MYOM1: variants seen among roughly 807,000 people sequenced by gnomAD.
MYOM1 encodes the protein myomesin 1.
MYOM1 carries 164 observed loss-of-function variants against 205.3 expected under a neutral mutation model. The observed-to-expected ratio is 0.80, with a 90% CI of 0.70 to 0.91. The LOEUF (loss-of-function observed/expected upper bound fraction) is 0.91, where lower values mean the gene tolerates loss of function less well. MYOM1 is among the 40% of genes least tolerant of loss of function. The pLI is 0.00. For synonymous variants in MYOM1, 772 were observed against 789.4 expected, an observed-to-expected ratio of 0.98 and a Z score of 0.37; for missense variants, 2,011 against 2,127.3, an observed-to-expected ratio of 0.95 and a Z score of 1.08.
chr18:3,092,810 C>T (rs2079244138), intron 26 of MYOM1, among the ~76,000 whole-genome samples: 1 of 152,204 alleles, frequency 6.6e-6, no homozygotes, highest in South Asian at 2.1e-4. Context: ...CAATAAATCA[C>T]TTGAACGAGA....
intron 13 of MYOM1, among the ~76,000 whole-genome samples, chr18:3,143,078 C>T (rs576665779): frequency 1.4e-4 from 21 of 152,170 alleles, no homozygotes; most frequent in Admixed American, 3.9e-4. Context: ...AAGAAAGCTA[C>T]ACAATGCATA....
chr18:3,186,792 AAGAAAGAAAG>A (rs1336854876), intron 5 of MYOM1, among the ~76,000 whole-genome samples: 23 of 114,124 alleles, frequency 2.0e-4, no homozygotes, highest in Admixed American at 3.3e-4. Flanking sequence ...GAGAGAGAGA[AAGAAAGAAAG>A]AGAAAGAAAG....
chr18:3,245,119 G>C, the MYOM1 span, among the ~76,000 whole-genome samples: 1 of 152,206 alleles, frequency 6.6e-6, no homozygotes, highest in Non-Finnish European at 1.5e-5. Flanking sequence ...ATAAATTTCT[G>C]TTGTTTAAGC....
chr18:3,116,470 AG>A lies in MYOM1; in HGVS notation c.3163del (p.Leu1055TrpfsTer23). ...GACTGGCGGCTTCCACTGGAGAACC[AG>A]TGAGTCTTTCCTGACTTCACTACAC... Reference protein sequence around the residue: ...LKCSEVRKDSLVLQWKPPVHS... With the variant: ...LKCSEVRKDSXVLQWKPPVHS... On this transcript the variant is annotated frameshift_variant, in exon 21 of 38. Transcript: ENST00000356443. LOFTEE classifies it high-confidence loss of function. 2.1e-5 allele frequency: 34 copies of A among 1,609,896 alleles called. No individual in the cohort carries two copies. Among genetic ancestry groups the A allele is most frequent in the Non-Finnish European group, 2.9e-5 (34 of 1,177,538 alleles).
intron 22 of MYOM1, among the ~76,000 whole-genome samples, chr18:3,106,276 A>G (rs1282772738): frequency 6.6e-6 from 1 of 152,240 alleles, no homozygotes; most frequent in Non-Finnish European, 1.5e-5. Context: ...TGTATTCTGA[A>G]AAATAAACTT....
chr18:3,118,575 C>A (rs1199340221), intron 20 of MYOM1, among the ~76,000 whole-genome samples: 1 of 152,070 alleles, frequency 6.6e-6, no homozygotes, highest in Non-Finnish European at 1.5e-5. Flanking sequence ...CTCAGGCAAT[C>A]CCCCTGCCTC....
chr18:3,243,545 A>C, the MYOM1 span, among the ~76,000 whole-genome samples: 1 of 152,216 alleles, frequency 6.6e-6, no homozygotes, highest in South Asian at 2.1e-4. Flanking sequence ...CTTACTAGCT[A>C]TGTGCACTTG....
chr18:3,129,432 G>A lies in MYOM1; in HGVS notation c.2594C>T (p.Ser865Phe). 2 of 1,613,972 alleles carry A rather than the reference G, an allele frequency of 1.2e-6. No individual in the cohort carries two copies. The highest frequency in any genetic ancestry group is 2.2e-5 in the South Asian group (2 of 91,084). Residue 865 changes from serine to phenylalanine, a missense_variant, in exon 18 of 38, where the codon TCC (serine) becomes TTC (phenylalanine). Ser to Phe is a radical substitution (Grantham distance 155). Coordinates refer to ENST00000356443, the MANE Select transcript of MYOM1 (RefSeq NM_003803.4). ...TASRGRVHEA[S>F]PPTFQKDALL... is the part of the protein sequence containing the mutation. ...AGCATCTTTCTGGAAGGTTGGCGGGGAGGCTTCATGCACGCGCCCCCTGGA... is the reference window on the plus strand; with the variant it reads ...AGCATCTTTCTGGAAGGTTGGCGGGAAGGCTTCATGCACGCGCCCCCTGGA...
intron 14 of MYOM1, among the ~76,000 whole-genome samples, chr18:3,137,100 C>G (rs543550620): frequency 8.0e-4 from 122 of 151,720 alleles, no homozygotes; most frequent in Middle Eastern, 3.4e-3. Context: ...ACAGGCGCCC[C>G]CCACCACACC....
At chr18:3,174,292 T>A in intron 6 of MYOM1, 84 bp from the exon 7 acceptor site, 2 of 1,189,196 alleles carry the variant, frequency 1.7e-6, no homozygotes, top group Non-Finnish European at 2.5e-6. Context: ...CTCTTTGCTA[T>A]CACAGCCCCC....
chr18:3,095,680 G>A (rs9950762), intron 25 of MYOM1, among the ~76,000 whole-genome samples: 90,603 of 151,946 alleles, frequency 0.6, 27,260 homozygotes, highest in Admixed American at 0.7. Context: ...CACTTTACTG[G>A]TCTCTTTACA....
intron 5 of MYOM1, among the ~76,000 whole-genome samples, chr18:3,181,734 T>TA (rs563176423): frequency 4.9e-5 from 7 of 142,888 alleles, no homozygotes; most frequent in Non-Finnish European, 9.1e-5. Context: ...ACTGAATAAT[T>TA]TTTTTTTTTT....
intron 8 of MYOM1, among the ~76,000 whole-genome samples, chr18:3,170,056 A>C (rs180869464): frequency 1.9e-4 from 29 of 152,354 alleles, no homozygotes; most frequent in Non-Finnish European, 3.1e-4. Flanking sequence ...AGAAGAACCG[A>C]TATCATGTGT....
rs776378986 is a variant in MYOM1 at position 3,119,926 on chromosome 18, C to CGCCCA, written c.3056_3060dup (p.Ala1021TrpfsTer7). On this transcript the variant is annotated frameshift_variant, in exon 20 of 38. Coordinates refer to ENST00000356443, the MANE Select transcript of MYOM1 (RefSeq NM_003803.4). LOFTEE classifies it high-confidence loss of function. Reference sequence around the variant, plus strand: ...AAGCATTCGCTTACTGCGGAGGGCGCGCCCAGCCCAGCCATGTTCATGGCT... The same window carrying CGCCCA: ...AAGCATTCGCTTACTGCGGAGGGCGCGCCCAGCCCAGCCCAGCCATGTTCATGGCT... The CGCCCA allele has an allele frequency of 1.9e-6, 3 of 1,612,106 alleles. No homozygotes were observed. The highest frequency in any genetic ancestry group is 2.5e-6 in the Non-Finnish European group (3 of 1,179,290).
intron 14 of MYOM1, among the ~76,000 whole-genome samples, chr18:3,139,063 T>G (rs1302352990): frequency 5.9e-5 from 9 of 152,178 alleles, no homozygotes. Context: ...GAGGATAGCT[T>G]GAGCCCAGGA....
chr18:3,119,132 C>T (rs965298460), intron 20 of MYOM1, among the ~76,000 whole-genome samples: 3 of 152,108 alleles, frequency 2.0e-5, no homozygotes, highest in East Asian at 1.9e-4. Flanking sequence ...GCCCCATCCT[C>T]GCCCCACTTC....
At chr18:3,208,658 T>C (rs2081155568) in intron 2 of MYOM1, among the ~76,000 whole-genome samples, 1 of 152,252 alleles carries the variant, frequency 6.6e-6, no homozygotes, top group African/African-American at 2.4e-5. Context: ...ATTTAAATAC[T>C]GGAAGACAAA....
intron 36 of MYOM1, among the ~76,000 whole-genome samples, chr18:3,072,939 G>A (rs1455693186): frequency 1.3e-5 from 2 of 148,848 alleles, no homozygotes; most frequent in African/African-American, 2.5e-5. Context: ...AGGGCTACAT[G>A]CTAGGGAGAT....
At position 3,189,025 on chromosome 18, in the gene MYOM1, T is replaced by A. The variant is rs775138562; in HGVS notation, c.494A>T (p.Tyr165Phe). The change falls in exon 4 of 38, where the codon TAT (tyrosine) becomes TTT (phenylalanine). Residue 165 changes from tyrosine to phenylalanine, a missense_variant. Transcript: ENST00000356443. This position sits in a 1 kb window ranked among gnomAD's most constrained non-coding sequence, Gnocchi z 4.8. ...EEERIKEAAA[Y>F]IAQRNLLASE... ...AGCAAGAAGATTCCTCTGGGCTATATAAGCAGCAGCTTCTTTAATTCTTTC... is the reference window on the plus strand; with the variant it reads ...AGCAAGAAGATTCCTCTGGGCTATAAAAGCAGCAGCTTCTTTAATTCTTTC... The A allele has an allele frequency of 6.2e-7, 1 of 1,613,768 alleles. No individual in the cohort carries two copies. The highest frequency in any genetic ancestry group is 1.1e-5 in the South Asian group (1 of 91,078).
Sources: gnomAD v4.1 joint callset for allele counts (sites outside exome capture counted in the v4.1 genomes callset) on GRCh38, gnomAD v4.1.1 for gene constraint, Gnocchi (gnomAD v3.1) non-coding constraint, MANE v1.5 for transcripts, NCBI Gene and HGNC (gene_info 2026-07-23, HGNC 2026-07-21) for gene names.